The following XPR1 variants were observed in gnomAD, a reference collection of about 807,000 sequenced individuals.
XPR1 encodes xenotropic and polytropic retrovirus receptor 1.
In XPR1, 28 loss-of-function variants were observed where a neutral mutation model predicts 87.5. That is an observed-to-expected ratio of 0.32 (90% CI 0.24 to 0.44). The LOEUF (loss-of-function observed/expected upper bound fraction) is 0.44. Among genes scored for constraint, XPR1 ranks in the 20% least tolerant of loss-of-function variants. XPR1 has a pLI of 1.00. For synonymous variants in XPR1, 300 were observed against 306.1 expected (o/e 0.98, Z 0.21); for missense variants, 559 against 862.3 (o/e 0.65, Z 4.41).
Position 180,883,904 on chromosome 1 carries a change from G to A in XPR1, c.2031-102G>A, listed in dbSNP as rs542196377. The A allele has an allele frequency of 3.0e-6, 3 of 996,760 alleles. No individual in the cohort carries two copies. The African/African-American group carries it at 4.9e-5, about 16-fold the overall frequency. The allele number at this position is 996,760 out of a possible 1,614,324, so 61.7% of individuals were successfully genotyped here. A position where few individuals can be genotyped will look rare whatever the true frequency, so the allele number is the denominator to read the frequency against. Reference sequence around the variant, plus strand: ...ACAGCAGATAGTCCCTGTTTAGGATGTATGTTTAATGATGGTAAGACTGGA... The same window carrying A: ...ACAGCAGATAGTCCCTGTTTAGGATATATGTTTAATGATGGTAAGACTGGA... On this transcript the variant is annotated intron_variant, in intron 14 of 14. Coordinates refer to ENST00000367590, the MANE Select transcript of XPR1 (RefSeq NM_004736.4).
At position 180,647,902 on chromosome 1, in the gene XPR1, CAA is replaced by C. The variant is rs1009441967; in HGVS notation, c.69+15654_69+15655del. On this transcript the variant is annotated intron_variant, in intron 1 of 14. Coordinates refer to ENST00000367590, the MANE Select transcript of XPR1 (RefSeq NM_004736.4). ...GGTGACAGAGTGAGACTCTTATCTG[CAA>C]AAAAAAAAAAAAAAAAAAAAAGGAA... Among the ~76,000 whole-genome samples the C allele has an allele frequency of 7.7e-3, 433 of 55,890 alleles. 1 individual carries two copies. Among genetic ancestry groups the C allele is most frequent in the African/African-American group, 0.021 (390 of 18,554 alleles). The allele number at this position is 55,890 out of a possible 152,430, so 36.7% of individuals were successfully genotyped here. A position where few individuals can be genotyped will look rare whatever the true frequency, so the allele number is the denominator to read the frequency against.
At chr1:180,660,165 T>C (rs775824615) in intron 1 of XPR1, among the ~76,000 whole-genome samples, 2 of 152,190 alleles carry the variant, frequency 1.3e-5, no homozygotes, top group Non-Finnish European at 2.9e-5. Flanking sequence ...TAGTTGCTCA[T>C]AGTAGCCTTC....
At chr1:180,860,317 T>G (rs1652177917) in intron 11 of XPR1, among the ~76,000 whole-genome samples, 1 of 152,078 alleles carries the variant, frequency 6.6e-6, no homozygotes, top group African/African-American at 2.4e-5. Context: ...TTTCATAAAG[T>G]TAAACATCCA....
intron 2 of XPR1, among the ~76,000 whole-genome samples, chr1:180,695,255 T>C (rs984284944): frequency 1.3e-5 from 2 of 152,192 alleles, no homozygotes; most frequent in African/African-American, 4.8e-5. Context: ...TTTTTCATTA[T>C]TGAGTTGTTT....
intron 2 of XPR1, among the ~76,000 whole-genome samples, chr1:180,778,552 T>C (rs970298548): frequency 1.3e-5 from 2 of 152,082 alleles, no homozygotes; most frequent in Non-Finnish European, 2.9e-5. Context: ...GTCCTGGAAA[T>C]TGTAGAATAT....
At chr1:180,740,015 T>A (rs895786286) in intron 2 of XPR1, among the ~76,000 whole-genome samples, 4 of 152,128 alleles carry the variant, frequency 2.6e-5, no homozygotes. Context: ...CCCGACCAAT[T>A]TTTTTTAAAT....
chr1:180,820,789 GGTTTTA>G (rs1471752161), intron 7 of XPR1, among the ~76,000 whole-genome samples: 1 of 152,008 alleles, frequency 6.6e-6, no homozygotes, highest in Non-Finnish European at 1.5e-5. Context: ...ATCTCATTGT[GGTTTTA>G]ATTTGCATTT....
chr1:180,797,217 A>G (rs1330333725), intron 3 of XPR1, among the ~76,000 whole-genome samples: 3 of 152,194 alleles, frequency 2.0e-5, no homozygotes, highest in Admixed American at 2.0e-4. Flanking sequence ...AAAAAAAGAT[A>G]AAGATTTTAG....
chr1:180,697,420 T>C (rs1005868245), intron 2 of XPR1, among the ~76,000 whole-genome samples: 2 of 152,156 alleles, frequency 1.3e-5, no homozygotes, highest in Admixed American at 1.3e-4. Flanking sequence ...TTTTGCTGAT[T>C]GTTTGTATAT....
chr1:180,685,710 C>G (rs1340802778), intron 2 of XPR1, among the ~76,000 whole-genome samples: 4 of 152,088 alleles, frequency 2.6e-5, no homozygotes, highest in African/African-American at 9.7e-5. Context: ...ATGGTTTAGT[C>G]TTGGGGAGGA....
chr1:180,822,710 C>G (rs536003786), intron 7 of XPR1, among the ~76,000 whole-genome samples: 11 of 152,222 alleles, frequency 7.2e-5, no homozygotes, highest in Non-Finnish European at 1.6e-4. Context: ...ATATGTTGTT[C>G]ACATTTAATC....
At chr1:180,688,452 GACTTGTAAATATAGAAT>G (rs1359373576) in intron 2 of XPR1, among the ~76,000 whole-genome samples, 3 of 152,020 alleles carry the variant, frequency 2.0e-5, no homozygotes, top group African/African-American at 7.2e-5. Flanking sequence ...TCTGCAGAAA[GACTTGTAAATATAGAAT>G]ACATGGCAGT....
intron 12 of XPR1, 39 bp from the exon 13 acceptor site, chr1:180,873,764 G>A: frequency 1.2e-6 from 2 of 1,603,788 alleles, no homozygotes; most frequent in Non-Finnish European, 1.7e-6. Context: ...TATGAGAAAT[G>A]TGATAGAAAA....
chr1:180,772,850 G>A (rs77747175), intron 2 of XPR1, among the ~76,000 whole-genome samples: 3,697 of 152,164 alleles, frequency 0.024, 151 homozygotes, highest in African/African-American at 0.083. Context: ...CCAGTCTTGG[G>A]TATGTCTTTA....
intron 12 of XPR1, among the ~76,000 whole-genome samples, chr1:180,865,340 A>G (rs1010211495): frequency 6.6e-6 from 1 of 152,048 alleles, no homozygotes; most frequent in Non-Finnish European, 1.5e-5. Flanking sequence ...TGCTCACCAA[A>G]TATGTGTGTT....
rs540711877 is a variant in XPR1 at position 180,653,465 on chromosome 1, T to C, written c.69+21195T>C. Among the ~76,000 whole-genome samples the C allele has an allele frequency of 4.0e-4, 61 of 152,302 alleles. 1 individual carries two copies. In the Middle Eastern group the frequency reaches 0.01, roughly 25 times the overall value. On this transcript the variant is annotated intron_variant, in intron 1 of 14. Transcript: ENST00000367590. ...TTAGTGGGCTATTCTGTTGTCTTTC[T>C]CAAAGAAGCATGGATTATAGAATGA...
chr1:180,653,191 T>G (rs1373271887), intron 1 of XPR1, among the ~76,000 whole-genome samples: 2 of 152,174 alleles, frequency 1.3e-5, no homozygotes, highest in Middle Eastern at 3.2e-3. Flanking sequence ...ATATTCTGAT[T>G]GTACAGATAC....
At chr1:180,751,774 G>T (rs1557989383) in intron 2 of XPR1, among the ~76,000 whole-genome samples, 1 of 152,056 alleles carries the variant, frequency 6.6e-6, no homozygotes, top group Non-Finnish European at 1.5e-5. Context: ...TCCAGTGGTA[G>T]AACCTCTCTC....
rs12088430 is a variant in XPR1, at chr1:180,873,720, G to T, written c.1669-83G>T. On this transcript the variant is annotated intron_variant, in intron 12 of 14. Coordinates refer to ENST00000367590, the MANE Select transcript of XPR1 (RefSeq NM_004736.4). ...TATTCGTAGGACATGTGTGAGTCTTGTTTGTAGGACATATGCTCATTGGTA... is the reference window on the plus strand; with the variant it reads ...TATTCGTAGGACATGTGTGAGTCTTTTTTGTAGGACATATGCTCATTGGTA... 8.2e-3 allele frequency: 12,238 copies of T among 1,483,630 alleles called. 862 individuals carry two copies. The African/African-American group carries it at 0.15, about 18-fold the overall frequency. The allele number at this position is 1,483,630 out of a possible 1,614,324, so 91.9% of individuals were successfully genotyped here.
Sources: allele counts gnomAD v4.1 joint callset (sites outside exome capture counted in the v4.1 genomes callset), GRCh38; gene constraint gnomAD v4.1.1; transcripts MANE v1.5; gene names NCBI Gene and HGNC (gene_info 2026-07-23, HGNC 2026-07-21).